EXOC1: variants seen among roughly 807,000 people sequenced by gnomAD.
The protein encoded by EXOC1 is SEC3-like 1.
Under a neutral mutation model 107.7 loss-of-function variants are expected in EXOC1, and 67 were observed. That is an observed-to-expected ratio of 0.62 (90% confidence interval 0.51 to 0.76). The LOEUF is 0.76. EXOC1 is among the 30% of genes least tolerant of loss of function. EXOC1 has a pLI of 0.00. For missense variants in EXOC1, 833 were observed against 1,055.7 expected, an observed-to-expected ratio of 0.79 and a Z score of 2.92; for synonymous variants, 348 against 353.5, an observed-to-expected ratio of 0.98 and a Z score of 0.17.
At chr4:55,859,476 G>A (rs1039450596) in intron 2 of EXOC1, among the ~76,000 whole-genome samples, 3 of 152,000 alleles carry the variant, frequency 2.0e-5, no homozygotes, top group African/African-American at 7.2e-5. Context: ...GTTTTATATG[G>A]ATGTCTATCA....
At chr4:55,874,455 C>T (rs1029131600) in intron 8 of EXOC1, among the ~76,000 whole-genome samples, 2 of 151,932 alleles carry the variant, frequency 1.3e-5, no homozygotes, top group East Asian at 1.9e-4. Flanking sequence ...ATTTCCTTTC[C>T]GATTTTAAAA....
chr4:55,882,976 C>T (rs187623358), intron 9 of EXOC1: 42 of 152,136 alleles, frequency 2.8e-4, no homozygotes, highest in Admixed American at 3.9e-4. Flanking sequence ...CAGTCTCCCA[C>T]TGTTGAGGAA....
chr4:55,899,725 T>A lies in EXOC1; in HGVS notation c.2178T>A (p.Asp726Glu). The change falls in exon 17 of 19, where the codon GAT becomes GAA. Residue 726 changes from aspartate to glutamate, a missense_variant. This residue lies in a region of EXOC1 where 216 missense variants were observed against 354.4 expected (regional missense o/e 0.61). Transcript: ENST00000381295. The stretch of plus-strand genomic sequence containing the variant: ...ATGAAAGCCAGAAGACCCCCAGGGA[T>A]GTGGTTATGATGGAAAACTTTCACC... The part of the protein sequence containing the change: ...VANESQKTPR[D>E]VVMMENFHHI... 6.2e-7 allele frequency: 1 copy of A among 1,613,672 alleles called. No individual in the cohort carries two copies. Among genetic ancestry groups the A allele is most frequent in the Non-Finnish European group, 8.5e-7 (1 of 1,179,750 alleles).
chr4:55,899,555 A>G lies in EXOC1; in HGVS notation c.2138-130A>G, dbSNP rs149883261. The stretch of plus-strand genomic sequence containing the variant: ...GATCTGAAGACTCCCATTACAATAT[A>G]TTGTATTAAGTCCAGAAATGTGCTT... On this transcript the variant is annotated intron_variant, in intron 16 of 18. Transcript: ENST00000381295. 5.8e-4 allele frequency: 437 copies of G among 755,000 alleles called. 2 individuals are homozygous for G. In the African/African-American group the frequency reaches 7.1e-3, roughly 12 times the overall value. The allele number at this position is 755,000 out of a possible 1,614,324, so 46.8% of individuals were successfully genotyped here.
In EXOC1 at chr4:55,883,879, A is replaced by G; in HGVS notation, c.1281A>G (p.Glu427=). 1 of 1,607,748 alleles carries G rather than the reference A, an allele frequency of 6.2e-7. No homozygotes were observed. Residue 427 remains glutamate (E), a synonymous_variant, in exon 10 of 19, where the codon GAA becomes GAG. Transcript: ENST00000381295. ...AAAGAGAAATCAAAGATTTCTTTGAAGTTGCAAAGATCAAGATGACTGGCA... is the reference window on the plus strand; with the variant it reads ...AAAGAGAAATCAAAGATTTCTTTGAGGTTGCAAAGATCAAGATGACTGGCA... ...LYEREIKDFF[E]VAKIKMTGTT...
At chr4:55,876,039 G>A (rs4865041) in intron 8 of EXOC1, 582,843 of 982,890 alleles carry the variant, frequency 0.59, 173,748 homozygotes, top group East Asian at 0.82. Context: ...ATCTTGGTTA[G>A]AAAACATTTC....
chr4:55,877,167 T>C, intron 8 of EXOC1: 1 of 979,062 alleles, frequency 1.0e-6, no homozygotes, highest in Non-Finnish European at 1.2e-6. Flanking sequence ...GTGTACCAAC[T>C]AGTATGATAC....
chr4:55,893,439 AAATTT>A, intron 14 of EXOC1, 108 bp from the exon 15 acceptor site: 1 of 964,080 alleles, frequency 1.0e-6, no homozygotes, highest in Non-Finnish European at 1.5e-6. Context: ...TTTTTAATTG[AAATTT>A]AATTATGGTA....
At chr4:55,882,108 G>GTTGTTA (rs2109424423) in intron 9 of EXOC1, among the ~76,000 whole-genome samples, 1 of 151,878 alleles carries the variant, frequency 6.6e-6, no homozygotes, top group Admixed American at 6.6e-5. Flanking sequence ...TTTTGTTGTT[G>GTTGTTA]TTGTTGTTGT....
At chr4:55,898,032 A>T (rs929794628) in intron 16 of EXOC1, among the ~76,000 whole-genome samples, 3 of 152,132 alleles carry the variant, frequency 2.0e-5, no homozygotes, top group Non-Finnish European at 2.9e-5. Context: ...CAGTTGGGGG[A>T]TCGCTTGAGC....
chr4:55,877,474 C>G (rs1723010301), intron 8 of EXOC1: 1 of 984,840 alleles, frequency 1.0e-6, no homozygotes, highest in African/African-American at 1.7e-5. Flanking sequence ...TTTTTTTTAT[C>G]TGTTGTTTTA....
At chr4:55,869,961 G>C (rs1048678843) in intron 5 of EXOC1, among the ~76,000 whole-genome samples, 1 of 151,948 alleles carries the variant, frequency 6.6e-6, no homozygotes, top group Non-Finnish European at 1.5e-5. Flanking sequence ...TTTGGATTTG[G>C]CAGTTTCCTT....
chr4:55,858,297 T>C lies in EXOC1; in HGVS notation c.-10-17T>C. 2 of 1,592,748 alleles carry C rather than the reference T, an allele frequency of 1.3e-6. No homozygotes were observed. The highest frequency in any genetic ancestry group is 2.3e-5 in the South Asian group (2 of 85,402). ...ATGTTGAGGGTGAGCTTAATATCTATACTCCACATTTTTCAGCTGAGAAAA... is the reference window on the plus strand; with the variant it reads ...ATGTTGAGGGTGAGCTTAATATCTACACTCCACATTTTTCAGCTGAGAAAA... On this transcript the variant is annotated splice_polypyrimidine_tract_variant and intron_variant, in intron 1 of 18. Coordinates refer to ENST00000381295, the MANE Select transcript of EXOC1 (RefSeq NM_001024924.2).
chr4:55,867,483 T>C (rs1377826729), intron 4 of EXOC1, among the ~76,000 whole-genome samples: 1 of 151,854 alleles, frequency 6.6e-6, no homozygotes, highest in Non-Finnish European at 1.5e-5. Flanking sequence ...AACAACATCT[T>C]AGGAGTTAAA....
At position 55,859,974 on chromosome 4, in the gene EXOC1, C is replaced by T. The variant is rs1404331217; in HGVS notation, c.125-437C>T. 3.9e-5 allele frequency among the ~76,000 whole-genome samples: 6 copies of T among 152,280 alleles called. No homozygotes were observed. In the South Asian group the frequency reaches 1.2e-3, roughly 32 times the overall value. On this transcript the variant is annotated intron_variant, in intron 2 of 18. Coordinates refer to ENST00000381295, the MANE Select transcript of EXOC1 (RefSeq NM_001024924.2). ...GTGGCTCATGCCTGTAATTCCAGCA[C>T]TTAGGGAAGCTGAGGTGGGCAGATC...
chr4:55,879,916 A>G (rs1248433736), intron 9 of EXOC1, among the ~76,000 whole-genome samples: 1 of 152,180 alleles, frequency 6.6e-6, no homozygotes, highest in African/African-American at 2.4e-5. Flanking sequence ...TATATGGACA[A>G]TATGGCCCTA....
intron 10 of EXOC1, among the ~76,000 whole-genome samples, chr4:55,886,238 C>T (rs1577739435): frequency 6.6e-6 from 1 of 152,056 alleles, no homozygotes; most frequent in East Asian, 1.9e-4. Flanking sequence ...ATAATATTTT[C>T]AACGTGTAAT....
chr4:55,902,781 G>GTTGT (rs749921583), intron 18 of EXOC1, among the ~76,000 whole-genome samples: 1 of 77,266 alleles, frequency 1.3e-5, no homozygotes, highest in Non-Finnish European at 3.5e-5. Context: ...TCTTTGGTTG[G>GTTGT]TTGGTTGGTT....
At chr4:55,898,250 C>G (rs556538567) in intron 16 of EXOC1, among the ~76,000 whole-genome samples, 2 of 152,202 alleles carry the variant, frequency 1.3e-5, no homozygotes, top group South Asian at 4.2e-4. Context: ...AAGCCAGACC[C>G]TGTCTTAAAA....
Sources: gnomAD v4.1 joint callset for allele counts (sites outside exome capture counted in the v4.1 genomes callset) on GRCh38, gnomAD v4.1.1 for gene constraint, gnomAD v4.1.1 regional missense constraint, MANE v1.5 for transcripts, NCBI Gene and HGNC (gene_info 2026-07-23, HGNC 2026-07-21) for gene names.